ADAMTSL1: variants seen among roughly 807,000 people sequenced by gnomAD.
The protein encoded by ADAMTSL1 is ADAMTS like 1.
ADAMTSL1 carries 126 observed loss-of-function variants against 201.8 expected under a neutral mutation model. That is an observed-to-expected ratio of 0.62 (90% CI 0.54 to 0.72). The LOEUF is 0.72. ADAMTSL1 is among the 30% of genes least tolerant of loss of function. ADAMTSL1 has a pLI of 0.00. For missense variants in ADAMTSL1, 2,679 were observed against 2,277.8 expected (o/e 1.18, Z -3.59); for synonymous variants, 1,121 against 903.4 (o/e 1.24, Z -4.32).
chr9:18,206,659 TTCTC>T (rs1313583655), intron 2 of ADAMTSL1, among the ~76,000 whole-genome samples: 3 of 152,266 alleles, frequency 2.0e-5, no homozygotes, highest in East Asian at 3.9e-4. Context: ...GTTTTATCCT[TTCTC>T]TATCTTTTAG....
intron 13 of ADAMTSL1, among the ~76,000 whole-genome samples, chr9:18,702,696 C>G (rs919333071): frequency 2.0e-5 from 3 of 151,986 alleles, no homozygotes; most frequent in Non-Finnish European, 4.4e-5. Context: ...AAGTTTACAC[C>G]CATCTTTTAA....
At chr9:18,622,203 T>C in intron 4 of ADAMTSL1, 40 bp from the exon 5 acceptor site, 1 of 1,603,776 alleles carries the variant, frequency 6.2e-7, no homozygotes, top group East Asian at 2.2e-5. Flanking sequence ...TTGCCATCGG[T>C]AGGTGCTTGG....
chr9:18,180,615 A>C (rs953750106), intron 2 of ADAMTSL1, among the ~76,000 whole-genome samples: 1 of 151,738 alleles, frequency 6.6e-6, no homozygotes, highest in Admixed American at 6.6e-5. Flanking sequence ...ACTACAAACC[A>C]CTGCTCAAGG....
intron 2 of ADAMTSL1, among the ~76,000 whole-genome samples, chr9:18,350,113 T>C (rs904756886): frequency 6.6e-6 from 1 of 151,962 alleles, no homozygotes; most frequent in Non-Finnish European, 1.5e-5. Context: ...TTAACTAATG[T>C]GGCAAATGGC....
intron 4 of ADAMTSL1, among the ~76,000 whole-genome samples, chr9:18,574,760 A>G (rs1408665495): frequency 1.3e-5 from 2 of 152,188 alleles, no homozygotes; most frequent in African/African-American, 4.8e-5. Context: ...ACTGTAGAGA[A>G]AGTCATGGAA....
chr9:18,474,424 A>C lies in ADAMTSL1; in HGVS notation c.63+129A>C, dbSNP rs555573459. On this transcript the variant is annotated intron_variant, in intron 1 of 28. Coordinates refer to ENST00000380548, the MANE Select transcript of ADAMTSL1 (RefSeq NM_001040272.6). ...CTTAAAACTCCAGGTAAAATAATTT[A>C]CACGATTACAAAGAGAGAATACTCC... 18 of 929,114 alleles carry C rather than the reference A, an allele frequency of 1.9e-5. No homozygotes were observed. In the African/African-American group the frequency reaches 2.8e-4, roughly 14 times the overall value. 57.6% of individuals were successfully genotyped at this position (929,114 alleles called of 1,614,324 possible).
intron 23 of ADAMTSL1, among the ~76,000 whole-genome samples, chr9:18,878,340 A>G (rs775074845): frequency 1.3e-5 from 2 of 152,178 alleles, no homozygotes; most frequent in East Asian, 1.9e-4. Context: ...AATTGTTACA[A>G]AGTTCATTTG....
intron 2 of ADAMTSL1, among the ~76,000 whole-genome samples, chr9:18,378,536 A>T (rs1465997193): frequency 4.6e-5 from 7 of 152,210 alleles, no homozygotes; most frequent in Non-Finnish European, 8.8e-5. Context: ...GTCTTTGCTG[A>T]TGTCTCTTCC....
At chr9:18,138,811 C>T (rs1393439391) in intron 1 of ADAMTSL1, among the ~76,000 whole-genome samples, 4 of 152,060 alleles carry the variant, frequency 2.6e-5, no homozygotes, top group Non-Finnish European at 4.4e-5. Context: ...GATCTTGTCT[C>T]GGGTGGTTGA....
At chr9:17,947,231 GGTAT>G (rs1827527808) in intron 1 of ADAMTSL1, among the ~76,000 whole-genome samples, 2 of 150,242 alleles carry the variant, frequency 1.3e-5, no homozygotes, top group Admixed American at 6.7e-5. Flanking sequence ...GTTAAACTGT[GGTAT>G]GTATGTGTTT....
At chr9:18,657,103 T>C (rs1360157301) in intron 7 of ADAMTSL1, among the ~76,000 whole-genome samples, 1 of 152,224 alleles carries the variant, frequency 6.6e-6, no homozygotes, top group African/African-American at 2.4e-5. Context: ...CCCAGAAGTT[T>C]GCCTTTTAGC....
chr9:18,214,674 C>G (rs753058519), intron 2 of ADAMTSL1, among the ~76,000 whole-genome samples: 3 of 152,082 alleles, frequency 2.0e-5, no homozygotes, highest in Non-Finnish European at 4.4e-5. Flanking sequence ...CTGTTGTTTG[C>G]TATTAATAAT....
At chr9:18,411,462 G>C (rs1342275301) in intron 2 of ADAMTSL1, among the ~76,000 whole-genome samples, 2 of 152,244 alleles carry the variant, frequency 1.3e-5, no homozygotes, top group Non-Finnish European at 2.9e-5. Flanking sequence ...GCTTCCCAAA[G>C]TGCTAGGATT....
chr9:18,332,607 G>A (rs1361254429), intron 2 of ADAMTSL1, among the ~76,000 whole-genome samples: 1 of 152,144 alleles, frequency 6.6e-6, no homozygotes, highest in African/African-American at 2.4e-5. Flanking sequence ...CATGCTACCA[G>A]ACATGGCAAT....
intron 4 of ADAMTSL1, among the ~76,000 whole-genome samples, chr9:18,603,696 T>C (rs1203209548): frequency 1.3e-5 from 2 of 152,218 alleles, no homozygotes; most frequent in Non-Finnish European, 2.9e-5. Context: ...TCCTATTCTT[T>C]TTTTATTATA....
intron 1 of ADAMTSL1, among the ~76,000 whole-genome samples, chr9:17,929,741 C>G (rs956950282): frequency 3.9e-5 from 6 of 152,276 alleles, no homozygotes; most frequent in South Asian, 2.1e-4. Context: ...GTATCACTTC[C>G]CCAGAAAGTC....
intron 2 of ADAMTSL1, among the ~76,000 whole-genome samples, chr9:18,227,849 T>G (rs1015122982): frequency 1.3e-5 from 2 of 152,184 alleles, no homozygotes; most frequent in Admixed American, 6.5e-5. Context: ...TCATTGCCCC[T>G]TAAGGATACT....
intron 1 of ADAMTSL1, among the ~76,000 whole-genome samples, chr9:18,153,933 C>G (rs1231459092): frequency 1.3e-5 from 2 of 151,952 alleles, no homozygotes; most frequent in African/African-American, 2.4e-5. Flanking sequence ...GTTTTCTACC[C>G]TAAAGGCAAA....
At chr9:18,833,617 T>C (rs1825133351) in intron 23 of ADAMTSL1, among the ~76,000 whole-genome samples, 1 of 152,232 alleles carries the variant, frequency 6.6e-6, no homozygotes, top group African/African-American at 2.4e-5. Flanking sequence ...ATGTATACTT[T>C]GCAAAAATTT....
Sources: allele counts gnomAD v4.1 joint callset (sites outside exome capture counted in the v4.1 genomes callset), GRCh38; gene constraint gnomAD v4.1.1; transcripts MANE v1.5; gene names NCBI Gene and HGNC (gene_info 2026-07-23, HGNC 2026-07-21).